CARS2: variants seen among roughly 807,000 people sequenced by gnomAD.
The protein encoded by CARS2 is probable cysteine--tRNA ligase, mitochondrial.
In CARS2, 52 loss-of-function variants were observed where a neutral mutation model predicts 68.8. The observed-to-expected ratio is 0.76, with a 90% CI of 0.61 to 0.95. CARS2 has a LOEUF of 0.95. CARS2 is among the 40% of genes least tolerant of loss of function. The probability of loss-of-function intolerance (pLI) is 0.00; values close to 1 mark genes in which losing one functional copy is unlikely to be tolerated. For missense variants in CARS2, 780 were observed against 754.2 expected, an observed-to-expected ratio of 1.03 and a Z score of -0.40; for synonymous variants, 314 against 303.6, an observed-to-expected ratio of 1.03 and a Z score of -0.36.
At chr13:110,664,736 C>T (rs973028984) in intron 8 of CARS2, 20 of 753,876 alleles carry the variant, frequency 2.7e-5, no homozygotes, top group African/African-American at 7.6e-5. Context: ...CCTCAGGTGA[C>T]GGTAACTGAA....
At chr13:110,663,109 G>A in intron 9 of CARS2, 1 of 497,542 alleles carries the variant, frequency 2.0e-6, no homozygotes, top group South Asian at 1.5e-5. Flanking sequence ...GTAAGAGGTG[G>A]TGGGTGAGGG....
At chr13:110,667,723 TTTTC>T (rs1270267231) in intron 7 of CARS2, among the ~76,000 whole-genome samples, 8 of 152,340 alleles carry the variant, frequency 5.3e-5, no homozygotes, top group African/African-American at 1.2e-4. Context: ...TTTTTTCTCT[TTTTC>T]TTTCTTTCTT....
At chr13:110,701,355 C>T (rs998223862) in intron 3 of CARS2, 83 bp downstream of exon 3, 12 of 735,212 alleles carry the variant, frequency 1.6e-5, no homozygotes, top group Admixed American at 9.6e-5. Context: ...TAAGCTACCA[C>T]GCCCGGCCAA....
intron 2 of CARS2, among the ~76,000 whole-genome samples, chr13:110,704,881 A>G (rs2063896211): frequency 6.6e-6 from 1 of 152,204 alleles, no homozygotes; most frequent in Non-Finnish European, 1.5e-5. Flanking sequence ...AAAAGTGGTA[A>G]TTTTGGCAAA....
rs576945115 is a variant in CARS2, at chr13:110,701,653, C to T, written c.276-98G>A. On this transcript the variant is annotated intron_variant, in intron 2 of 14. Transcript: ENST00000257347. Reference sequence around the variant, plus strand: ...ATTTTAACATGCTGCTCCATAACTTCTACTGTGTAGCACAATGGACAGGTC... The same window carrying T: ...ATTTTAACATGCTGCTCCATAACTTTTACTGTGTAGCACAATGGACAGGTC... 5 of 724,368 alleles carry T rather than the reference C, an allele frequency of 6.9e-6. No homozygotes were observed. The South Asian group carries it at 7.7e-5, about 11-fold the overall frequency. 44.9% of individuals were successfully genotyped at this position (724,368 alleles called of 1,614,324 possible).
intron 9 of CARS2, among the ~76,000 whole-genome samples, chr13:110,651,841 CAGG>C (rs1471122096): frequency 6.6e-6 from 1 of 152,214 alleles, no homozygotes; most frequent in Non-Finnish European, 1.5e-5. Flanking sequence ...GTGGGGCGCT[CAGG>C]GTTCAGCTCT....
chr13:110,707,696 AAAAAAG>A (rs1387623300), upstream of CARS2: 1 of 152,134 alleles, frequency 6.6e-6, no homozygotes, highest in Non-Finnish European at 1.5e-5. Flanking sequence ...GATGTCTCAA[AAAAAAG>A]AAAAAGTCCC....
At position 110,641,589 on chromosome 13, in the gene CARS2, G is replaced by C; in HGVS notation, c.1643C>G (p.Ser548Cys). ...CCTTTGATCCAGCAGTTCCCACGTG[G>C]ATGTTGTACTGCTTCTGTCCTGGAG... ...INIKDRSSTT[S>C]TWELLDQRTK... is the part of the protein sequence containing the mutation. The change falls in exon 15 of 15, where the codon TCC becomes TGC. Residue 548 changes from serine to cysteine, a missense_variant. By Grantham distance (112) the Ser-to-Cys change is moderately radical. Transcript: ENST00000257347. The C allele has an allele frequency of 1.2e-6, 2 of 1,613,976 alleles. No individual in the cohort carries two copies. Among genetic ancestry groups the C allele is most frequent in the African/African-American group, 2.7e-5 (2 of 75,056 alleles).
rs1465874318 is a variant in CARS2 at position 110,706,036 on chromosome 13, C to CAA, written c.57_58insTT (p.Gly20LeufsTer47). 1 of 1,382,982 alleles carries CAA rather than the reference C, an allele frequency of 7.2e-7. No homozygotes were observed. Among genetic ancestry groups the CAA allele is most frequent in the Non-Finnish European group, 9.3e-7 (1 of 1,071,012 alleles). The allele number at this position is 1,382,982 out of a possible 1,614,324, so 85.7% of individuals were successfully genotyped here. On this transcript the variant is annotated frameshift_variant, in exon 1 of 15. Transcript: ENST00000257347. LOFTEE classifies it high-confidence loss of function. Reference sequence around the variant, plus strand: ...CAGTGCCACCCAGCCCGCCCAAGGCCCAGCGCGGCCTGGAGCAGCGGGGGG... The same window carrying CAA: ...CAGTGCCACCCAGCCCGCCCAAGGCCAACAGCGCGGCCTGGAGCAGCGGGGGG...
At position 110,641,452 on chromosome 13, in the gene CARS2, C is replaced by T. The variant is rs540893791; in HGVS notation, c.*85G>A. 149 of 1,137,198 alleles carry T rather than the reference C, an allele frequency of 1.3e-4. 1 individual carries two copies. The highest frequency in any genetic ancestry group is 3.4e-4 in the Admixed American group (20 of 59,202). The allele number at this position is 1,137,198 out of a possible 1,614,324, so 70.4% of individuals were successfully genotyped here. On this transcript the variant is annotated 3_prime_UTR_variant, in exon 15 of 15. Transcript: ENST00000257347. ...TACTTTAATGCTGACCTAGCAGCCC[C>T]GACAGGAAGCTTTAACATAAAGCCT...
chr13:110,701,072 T>C (rs1457081322), intron 3 of CARS2, among the ~76,000 whole-genome samples: 2 of 152,012 alleles, frequency 1.3e-5, no homozygotes, highest in African/African-American at 2.4e-5. Context: ...CTTTCTTTTT[T>C]CTTTTTTTTT....
intron 3 of CARS2, among the ~76,000 whole-genome samples, chr13:110,694,503 G>T (rs1232527393): frequency 6.6e-6 from 1 of 151,854 alleles, no homozygotes; most frequent in East Asian, 2.0e-4. Flanking sequence ...TGGGCGTAGT[G>T]GTGTACGCCT....
intron 3 of CARS2, among the ~76,000 whole-genome samples, chr13:110,691,702 A>T (rs951038601): frequency 1.3e-5 from 2 of 152,048 alleles, no homozygotes; most frequent in Non-Finnish European, 2.9e-5. Flanking sequence ...ACTCCCATTG[A>T]TTATCAGGGC....
chr13:110,665,479 C>G lies in CARS2; in HGVS notation c.919+1861G>C. On this transcript the variant is annotated intron_variant, in intron 8 of 14. Transcript: ENST00000257347. This position sits in a 1 kb window ranked among gnomAD's most constrained non-coding sequence, Gnocchi z 4.3. Reference sequence around the variant, plus strand: ...AGCAAATGCTTTCCCATTCCCACATCGGAAGGTGAACACGACCTCCGTTTC... The same window carrying G: ...AGCAAATGCTTTCCCATTCCCACATGGGAAGGTGAACACGACCTCCGTTTC... 1.0e-6 allele frequency: 1 copy of G among 985,476 alleles called. No homozygotes were observed. The highest frequency in any genetic ancestry group is 1.2e-6 in the Non-Finnish European group (1 of 829,980). The allele number at this position is 985,476 out of a possible 1,614,324, so 61.0% of individuals were successfully genotyped here. A position where few individuals can be genotyped will look rare whatever the true frequency, so the allele number is the denominator to read the frequency against.
At chr13:110,690,273 C>A (rs886972596) in intron 3 of CARS2, among the ~76,000 whole-genome samples, 2 of 152,104 alleles carry the variant, frequency 1.3e-5, no homozygotes, top group African/African-American at 4.8e-5. Context: ...GTTGCTTAAT[C>A]TATATTTTTC....
chr13:110,685,693 A>C (rs1219794582), intron 5 of CARS2, among the ~76,000 whole-genome samples: 4 of 152,326 alleles, frequency 2.6e-5, no homozygotes, highest in Non-Finnish European at 2.9e-5. Context: ...AAGGCTGAGA[A>C]AGTAAGTTCA....
intron 1 of CARS2, among the ~76,000 whole-genome samples, chr13:110,712,019 G>C (rs1469647935): frequency 2.0e-5 from 3 of 152,182 alleles, no homozygotes; most frequent in African/African-American, 7.2e-5. Flanking sequence ...ACCAGAATGT[G>C]TATCCATTTC....
chr13:110,705,995 C>A lies in CARS2; in HGVS notation c.99G>T (p.Ala33=), dbSNP rs1449541513. ...RAGWHWPAGR[A]ASGGRGRAWL... is the part of the protein sequence containing the mutation. ...AGGCCCGCCCGCGCCCCCCGCTCGCCGCCCGGCCCGCAGGCCAGTGCCACC... is the reference window on the plus strand; with the variant it reads ...AGGCCCGCCCGCGCCCCCCGCTCGCAGCCCGGCCCGCAGGCCAGTGCCACC... The change falls in exon 1 of 15, where the codon GCG becomes GCT. Residue 33 remains alanine (A), a synonymous_variant. Transcript: ENST00000257347. The surrounding 1 kb of genome is among the most constrained non-coding windows in gnomAD (Gnocchi z 4.0). 6 of 1,499,376 alleles carry A rather than the reference C, an allele frequency of 4.0e-6. No homozygotes were observed. Among genetic ancestry groups the A allele is most frequent in the Non-Finnish European group, 5.3e-6 (6 of 1,128,992 alleles). The allele number at this position is 1,499,376 out of a possible 1,614,324, so 92.9% of individuals were successfully genotyped here.
chr13:110,711,513 C>T (rs987456700), intron 1 of CARS2, among the ~76,000 whole-genome samples: 3 of 152,222 alleles, frequency 2.0e-5, no homozygotes, highest in Non-Finnish European at 4.4e-5. Context: ...CGCGTCCGGC[C>T]AAGTGTTATA....
Sources: allele counts gnomAD v4.1 joint callset (sites outside exome capture counted in the v4.1 genomes callset), GRCh38; gene constraint gnomAD v4.1.1; non-coding constraint Gnocchi (gnomAD v3.1); transcripts MANE v1.5; gene names NCBI Gene and HGNC (gene_info 2026-07-23, HGNC 2026-07-21).